Variants in NAV1 observed in about 807,000 individuals in gnomAD.
NAV1 encodes pore membrane and/or filament interacting like protein 3.
Under a neutral mutation model 175.2 loss-of-function variants are expected in NAV1, and 18 were observed. The ratio of observed to expected loss-of-function variants is 0.10; its 90% CI spans 0.07 to 0.15. The LOEUF (loss-of-function observed/expected upper bound fraction) is 0.15, where lower values mean the gene tolerates loss of function less well. NAV1 is among the 10% of genes least tolerant of loss of function. The pLI, the probability that NAV1 is intolerant of heterozygous loss-of-function variation, is 1.00. For synonymous variants in NAV1, 897 were observed against 978.7 expected, an observed-to-expected ratio of 0.92 and a Z score of 1.56; for missense variants, 1,731 against 2,436.6, an observed-to-expected ratio of 0.71 and a Z score of 6.10.
chr1:201,584,922 G>A (rs1214312071), intron 1 of NAV1, among the ~76,000 whole-genome samples: 1 of 152,230 alleles, frequency 6.6e-6, no homozygotes, highest in East Asian at 1.9e-4. Flanking sequence ...GAGAGGAGAA[G>A]GGCCCCTGCC....
intron 3 of NAV1, among the ~76,000 whole-genome samples, chr1:201,774,004 G>A (rs1045364846): frequency 3.3e-5 from 5 of 152,150 alleles, no homozygotes; most frequent in Admixed American, 2.0e-4. Flanking sequence ...CATTTCTGTC[G>A]TACATCAGTA....
intron 2 of NAV1, among the ~76,000 whole-genome samples, chr1:201,642,964 A>T (rs71635553): frequency 4.0e-5 from 6 of 151,132 alleles, no homozygotes; most frequent in East Asian, 3.9e-4. Flanking sequence ...TTAGTAGAGA[A>T]GGGGTTTCAC....
At chr1:201,569,623 G>A (rs1443250998) in intron 1 of NAV1, among the ~76,000 whole-genome samples, 1 of 152,166 alleles carries the variant, frequency 6.6e-6, no homozygotes, top group East Asian at 1.9e-4. Context: ...AATGATCTAG[G>A]GAAGGTACAG....
Position 201,550,172 on chromosome 1 carries a change from C to CT in NAV1, c.-144+10839dup, listed in dbSNP as rs199627663. Among the ~76,000 whole-genome samples the CT allele has an allele frequency of 7.9e-3, 1,195 of 151,316 alleles. 11 individuals carry two copies. The highest frequency in any genetic ancestry group is 0.019 in the South Asian group (89 of 4,774). ...TAATTTAAAAAAAATTATAATTTCA[C>CT]TTTTTTTTTGTTTTTAAGAGACGGG... is the stretch of plus-strand genomic sequence containing the variant. On this transcript the variant is annotated intron_variant, in intron 1 of 33. Coordinates refer to the NAV1 transcript ENST00000685211.
At chr1:201,668,855 G>C (rs75782354) in intron 1 of NAV1, among the ~76,000 whole-genome samples, 1 of 152,102 alleles carries the variant, frequency 6.6e-6, no homozygotes, top group Admixed American at 6.5e-5. Flanking sequence ...CATTAGCTGC[G>C]TTGGGGTCAC....
chr1:201,547,864 G>A (rs767630422), intron 1 of NAV1, among the ~76,000 whole-genome samples: 9 of 152,068 alleles, frequency 5.9e-5, no homozygotes, highest in African/African-American at 1.7e-4. Context: ...GCATGATCTC[G>A]GCTCACTGCA....
intron 3 of NAV1, among the ~76,000 whole-genome samples, chr1:201,756,196 G>A (rs1278948220): frequency 1.3e-5 from 2 of 151,614 alleles, no homozygotes; most frequent in African/African-American, 4.8e-5. Context: ...TACTACTAAG[G>A]AGCAGTGTTC....
At chr1:201,705,926 T>C (rs1671646532) in intron 1 of NAV1, among the ~76,000 whole-genome samples, 2 of 152,126 alleles carry the variant, frequency 1.3e-5, no homozygotes, top group Non-Finnish European at 2.9e-5. Context: ...GCAAGGTCAC[T>C]GGATGCAAGA....
At chr1:201,628,172 A>C (rs1406734908) in intron 1 of NAV1, among the ~76,000 whole-genome samples, 1 of 150,386 alleles carries the variant, frequency 6.6e-6, no homozygotes, top group East Asian at 1.9e-4. Context: ...ACAGTAGTAC[A>C]TGGCGATTGT....
At chr1:201,584,482 A>T (rs965994763) in intron 1 of NAV1, among the ~76,000 whole-genome samples, 1 of 152,220 alleles carries the variant, frequency 6.6e-6, no homozygotes, top group African/African-American at 2.4e-5. Context: ...ATTGCCTGAG[A>T]TGTGTGTGCA....
chr1:201,657,260 CCT>C (rs1394588055), intron 1 of NAV1, among the ~76,000 whole-genome samples: 1 of 152,182 alleles, frequency 6.6e-6, no homozygotes, highest in Non-Finnish European at 1.5e-5. Context: ...TTTACACTCT[CCT>C]AGTGACAGAG....
chr1:201,787,345 A>G lies in NAV1; in HGVS notation c.2995+768A>G, dbSNP rs1676826987. Among the ~76,000 whole-genome samples, 2 of 152,180 alleles carry G rather than the reference A, an allele frequency of 1.3e-5. No homozygotes were observed. The highest frequency in any genetic ancestry group is 1.3e-4 in the Admixed American group (2 of 15,278). ...TTAAATCCATCTCTTCTTTCAGCTG[A>G]GTAAAAGAAATCAGTTAATAAAAGA... On this transcript the variant is annotated intron_variant, in intron 9 of 29. Coordinates refer to ENST00000367296, the Ensembl canonical transcript of NAV1. The surrounding 1 kb of genome is among the most constrained non-coding windows in gnomAD (Gnocchi z 4.3).
At chr1:201,738,826 A>G (rs1673227544) in intron 3 of NAV1, among the ~76,000 whole-genome samples, 1 of 152,102 alleles carries the variant, frequency 6.6e-6, no homozygotes. Flanking sequence ...AAAAAATGCT[A>G]CTGTTGTTTT....
At chr1:201,549,449 T>G (rs926228241) in intron 1 of NAV1, among the ~76,000 whole-genome samples, 2 of 152,106 alleles carry the variant, frequency 1.3e-5, no homozygotes, top group Non-Finnish European at 2.9e-5. Flanking sequence ...GTTCAAGCGA[T>G]CCACCTGCTT....
intron 1 of NAV1, among the ~76,000 whole-genome samples, chr1:201,674,757 C>T (rs1670177695): frequency 6.6e-6 from 1 of 152,098 alleles, no homozygotes. Context: ...CGAAAACTGG[C>T]TGGGCACGGT....
Position 201,807,924 on chromosome 1 carries a change from T to G in NAV1, c.3649-29T>G. The G allele has an allele frequency of 6.2e-7, 1 of 1,611,412 alleles. No individual in the cohort carries two copies. Among genetic ancestry groups the G allele is most frequent in the Non-Finnish European group, 8.5e-7 (1 of 1,177,764 alleles). On this transcript the variant is annotated intron_variant, in intron 17 of 29. Transcript: ENST00000367296. The surrounding 1 kb of genome is among the most constrained non-coding windows in gnomAD (Gnocchi z 5.4). ...CCATCCCAGTAGTGGAGTCCTAATG[T>G]CCCTCTACCTGGATCTGCTTTTTTC... is the stretch of plus-strand genomic sequence containing the variant.
At chr1:201,580,976 T>C (rs549950620) in intron 1 of NAV1, among the ~76,000 whole-genome samples, 1 of 152,194 alleles carries the variant, frequency 6.6e-6, no homozygotes, top group Admixed American at 6.5e-5. Flanking sequence ...TACAAAGGCA[T>C]AGAGGCATCA....
At chr1:201,560,270 G>C (rs1425528886) in intron 1 of NAV1, among the ~76,000 whole-genome samples, 1 of 152,136 alleles carries the variant, frequency 6.6e-6, no homozygotes, top group Admixed American at 6.5e-5. Context: ...ATAGAGTATG[G>C]GACAGGCTAG....
rs147453632 is a variant in NAV1, at chr1:201,654,010, G to A, written c.757+4585G>A. On this transcript the variant is annotated intron_variant, in intron 1 of 29. Coordinates refer to ENST00000367296, the Ensembl canonical transcript of NAV1. ...CCCAGGTCATGTTCCTCTCCTTTGG[G>A]CATTGCCTTGTTCTGACTGCTGCAG... 1.5e-3 allele frequency among the ~76,000 whole-genome samples: 226 copies of A among 152,320 alleles called. 2 individuals carry two copies. The highest frequency in any genetic ancestry group is 5.3e-3 in the African/African-American group (220 of 41,568).
Sources: gnomAD v4.1 joint callset for allele counts (sites outside exome capture counted in the v4.1 genomes callset) on GRCh38, gnomAD v4.1.1 for gene constraint, Gnocchi (gnomAD v3.1) non-coding constraint, MANE v1.5 for transcripts, NCBI Gene and HGNC (gene_info 2026-07-23, HGNC 2026-07-21) for gene names.